Variants in VLDLR observed in about 807,000 individuals in gnomAD.
VLDLR encodes very low-density lipoprotein receptor.
VLDLR carries 81 observed loss-of-function variants against 112.7 expected under a neutral mutation model. That is an observed-to-expected ratio of 0.72 (90% CI 0.60 to 0.86). The LOEUF (loss-of-function observed/expected upper bound fraction) is 0.86. Among genes scored for constraint, VLDLR ranks in the 40% least tolerant of loss-of-function variants. VLDLR has a pLI of 0.00. For missense variants in VLDLR, 1,237 were observed against 1,099.4 expected, an observed-to-expected ratio of 1.13 and a Z score of -1.77; for synonymous variants, 436 against 384.8, an observed-to-expected ratio of 1.13 and a Z score of -1.56.
chr9:2,644,666 T>C (rs1817990870), intron 7 of VLDLR, 68 bp from the exon 8 acceptor site: 1 of 1,608,446 alleles, frequency 6.2e-7, no homozygotes, highest in East Asian at 2.2e-5. Context: ...ACAAATAGCC[T>C]GGGTTTTAAA....
intron 14 of VLDLR, 72 bp from the exon 15 acceptor site, chr9:2,650,298 C>A: frequency 6.3e-7 from 1 of 1,598,336 alleles, no homozygotes; most frequent in Non-Finnish European, 8.5e-7. Context: ...AGGTCTTCAA[C>A]ATGTAGAACA....
intron 3 of VLDLR, among the ~76,000 whole-genome samples, chr9:2,640,319 C>G (rs1817770785): frequency 6.6e-6 from 1 of 152,164 alleles, no homozygotes; most frequent in African/African-American, 2.4e-5. Context: ...GTCCTGGAAG[C>G]TAAGTCAAGA....
chr9:2,653,762 CCATTTTAAAGACTAGAGTTGCCAT>C (rs1818465808), intron 18 of VLDLR, 47 bp from the exon 19 acceptor site: 1 of 1,565,734 alleles, frequency 6.4e-7, no homozygotes, highest in Non-Finnish European at 8.8e-7. Flanking sequence ...AAAGCAAGGT[CCATTTTAAAGACTAGAGTTGCCAT>C]CAGTGAGTGA....
In VLDLR at chr9:2,643,319, C is replaced by G; in HGVS notation, c.608C>G (p.Ser203Cys). Residue 203 changes from serine to cysteine, a missense_variant, in exon 5 of 19, where the codon TCC (serine) becomes TGC (cysteine). Coordinates refer to ENST00000382100, the MANE Select transcript of VLDLR (RefSeq NM_003383.5). ...GCCCATGAGTTCCAGTGCAGCACCT[C>G]CTCCTGCATCCCCATCAGCTGGGTA... is the stretch of plus-strand genomic sequence containing the variant. ...CGAHEFQCST[S>C]SCIPISWVCD... 1 of 1,614,066 alleles carries G rather than the reference C, an allele frequency of 6.2e-7. No individual in the cohort carries two copies. Among genetic ancestry groups the G allele is most frequent in the Non-Finnish European group, 8.5e-7 (1 of 1,179,964 alleles).
In VLDLR at chr9:2,648,779, C is replaced by T. The variant is rs1273646939; in HGVS notation, c.2073C>T (p.Ile691=). ...LVNNLNDAQD[I]IVYHELVQPS... ...ACAACCTGAATGATGCCCAAGACAT[C>T]ATTGTCTATCATGAACTTGTACAGC... Residue 691 remains isoleucine (I), a synonymous_variant, in exon 14 of 19, where the codon ATC becomes ATT. Coordinates refer to ENST00000382100, the MANE Select transcript of VLDLR (RefSeq NM_003383.5). 3 of 1,614,176 alleles carry T rather than the reference C, an allele frequency of 1.9e-6. No homozygotes were observed. The highest frequency in any genetic ancestry group is 2.5e-6 in the Non-Finnish European group (3 of 1,180,030).
chr9:2,632,107 C>A (rs2130770965), intron 1 of VLDLR, among the ~76,000 whole-genome samples: 1 of 152,262 alleles, frequency 6.6e-6, no homozygotes, highest in Admixed American at 6.5e-5. Context: ...GACTTCCAAC[C>A]CCCTCACCCA....
chr9:2,644,000 G>T (rs758197778), intron 7 of VLDLR, 41 bp downstream of exon 7: 6 of 1,613,642 alleles, frequency 3.7e-6, no homozygotes, highest in African/African-American at 1.3e-5. Context: ...CTGGAAGTTT[G>T]ACACAATCCA....
intron 7 of VLDLR, 66 bp downstream of exon 7, chr9:2,644,025 G>A: frequency 6.2e-7 from 1 of 1,611,616 alleles, no homozygotes; most frequent in Non-Finnish European, 8.5e-7. Context: ...AGCTAACACT[G>A]TGTGGACCCC....
chr9:2,652,884 A>G lies in VLDLR; in HGVS notation c.2521A>G (p.Thr841Ala). Residue 841 changes from threonine to alanine, a missense_variant, in exon 18 of 19, where the codon ACT (threonine) becomes GCT (alanine). Coordinates refer to ENST00000382100, the MANE Select transcript of VLDLR (RefSeq NM_003383.5). ...NFDNPVYLKT[T>A]EEDLSIDIGR... ...TGACAATCCTGTGTACTTGAAAACC[A>G]CTGAAGAGGACCTCTCCATAGACAT... is the stretch of plus-strand genomic sequence containing the variant. 6.2e-7 allele frequency: 1 copy of G among 1,614,110 alleles called. No individual in the cohort carries two copies. The highest frequency in any genetic ancestry group is 8.5e-7 in the Non-Finnish European group (1 of 1,179,986).
chr9:2,622,394 T>G, intron 1 of VLDLR, 123 bp downstream of exon 1: 1 of 822,846 alleles, frequency 1.2e-6, no homozygotes, highest in Non-Finnish European at 1.7e-6. Flanking sequence ...TCTCCTCGCC[T>G]TCCCTCCCTC....
In VLDLR at chr9:2,641,444, C is replaced by T; in HGVS notation, c.393C>T (p.Ser131=). 1 of 1,614,146 alleles carries T rather than the reference C, an allele frequency of 6.2e-7. No homozygotes were observed. The highest frequency in any genetic ancestry group is 8.5e-7 in the Non-Finnish European group (1 of 1,180,034). ...ATTCTACTCAGTGTATCCCAGTGTCCTGGAGATGTGATGGTGAAAATGATT... is the reference window on the plus strand; with the variant it reads ...ATTCTACTCAGTGTATCCCAGTGTCTTGGAGATGTGATGGTGAAAATGATT... ...GAHSTQCIPV[S]WRCDGENDCD... The change falls in exon 4 of 19, where the codon TCC becomes TCT. Residue 131 remains serine, a synonymous_variant. Transcript: ENST00000382100.
chr9:2,645,166 A>G (rs1444720882), intron 9 of VLDLR, 84 bp downstream of exon 9: 1 of 1,592,578 alleles, frequency 6.3e-7, no homozygotes, highest in Non-Finnish European at 8.6e-7. Context: ...ACAATAGTCA[A>G]ACTAAACATG....
At chr9:2,637,900 G>T (rs570027859) in intron 2 of VLDLR, among the ~76,000 whole-genome samples, 1 of 152,036 alleles carries the variant, frequency 6.6e-6, no homozygotes, top group Admixed American at 6.6e-5. Context: ...CCAAGACCAC[G>T]CCACTGCACT....
At chr9:2,645,970 A>C (rs1172505742) in intron 10 of VLDLR, among the ~76,000 whole-genome samples, 1 of 152,128 alleles carries the variant, frequency 6.6e-6, no homozygotes, top group African/African-American at 2.4e-5. Context: ...CATATTTTTT[A>C]TATTTTCTCC....
intron 1 of VLDLR, among the ~76,000 whole-genome samples, chr9:2,632,493 T>C (rs1235465305): frequency 6.6e-6 from 1 of 152,196 alleles, no homozygotes; most frequent in East Asian, 1.9e-4. Context: ...AAGCTCAACT[T>C]GTTCCCTTTA....
rs549716398 is a variant in VLDLR at position 2,643,914 on chromosome 9, G to A, written c.1021G>A (p.Glu341Lys). The A allele has an allele frequency of 1.2e-6, 2 of 1,614,118 alleles. No individual in the cohort carries two copies. Among genetic ancestry groups the A allele is most frequent in the South Asian group, 1.1e-5 (1 of 91,080 alleles). The change falls in exon 7 of 19, where the codon GAG (glutamate) becomes AAG (lysine). Residue 341 changes from glutamate (E) to lysine (K), a missense_variant. By Grantham distance (56) the Glu-to-Lys change is moderately conservative (BLOSUM62 1). Coordinates refer to ENST00000382100, the MANE Select transcript of VLDLR (RefSeq NM_003383.5). ...CIDISKVCNQEQDCRDWSDEP... is the reference protein window; with the variant it reads ...CIDISKVCNQKQDCRDWSDEP... ...AGATATCAGCAAAGTATGTAACCAGGAGCAGGACTGCAGGGACTGGAGTGA... is the reference window on the plus strand; with the variant it reads ...AGATATCAGCAAAGTATGTAACCAGAAGCAGGACTGCAGGGACTGGAGTGA...
intron 15 of VLDLR, among the ~76,000 whole-genome samples, chr9:2,650,985 A>C (rs1818303320): frequency 6.6e-6 from 1 of 152,222 alleles, no homozygotes; most frequent in African/African-American, 2.4e-5. Context: ...TTGTGTGATC[A>C]AGGAGCTTGT....
intron 1 of VLDLR, among the ~76,000 whole-genome samples, chr9:2,623,097 C>T (rs1586628657): frequency 1.3e-5 from 2 of 152,336 alleles, no homozygotes; most frequent in East Asian, 1.9e-4. Flanking sequence ...GAGTCCTAGG[C>T]TAGTGACTGT....
chr9:2,641,268 G>T, intron 3 of VLDLR, 109 bp from the exon 4 acceptor site: 1 of 1,556,138 alleles, frequency 6.4e-7, no homozygotes, highest in East Asian at 2.3e-5. Flanking sequence ...AATTTCACCA[G>T]TGTGCCAGGC....
Sources: gnomAD v4.1 joint callset for allele counts (sites outside exome capture counted in the v4.1 genomes callset) on GRCh38, gnomAD v4.1.1 for gene constraint, MANE v1.5 for transcripts, NCBI Gene and HGNC (gene_info 2026-07-23, HGNC 2026-07-21) for gene names.